The following TATDN2 variants were observed in gnomAD, a reference collection of about 807,000 sequenced individuals.
TATDN2 encodes the protein 3'-5' RNA nuclease TATDN2.
TATDN2 carries 44 observed loss-of-function variants against 60.3 expected under a neutral mutation model. The ratio of observed to expected loss-of-function variants is 0.73; its 90% CI spans 0.57 to 0.94. TATDN2 has a LOEUF of 0.94. Ranked by LOEUF, TATDN2 falls within the 40% of genes least tolerant of loss-of-function variation. The probability of loss-of-function intolerance (pLI) is 0.00; values close to 1 mark genes in which losing one functional copy is unlikely to be tolerated. For synonymous variants in TATDN2, 399 were observed against 355.8 expected (o/e 1.12, Z -1.37); for missense variants, 997 against 948.0 (o/e 1.05, Z -0.68).
intron 2 of TATDN2, among the ~76,000 whole-genome samples, chr3:10,256,498 C>T (rs1161841001): frequency 6.6e-6 from 1 of 151,860 alleles, no homozygotes; most frequent in Non-Finnish European, 1.5e-5. Flanking sequence ...TTATTGAACG[C>T]TAAACCCACA....
At chr3:10,250,998 C>T (rs761199176) in intron 2 of TATDN2, among the ~76,000 whole-genome samples, 1 of 152,144 alleles carries the variant, frequency 6.6e-6, no homozygotes, top group African/African-American at 2.4e-5. Context: ...CCCTGGCTGT[C>T]CTAAAGACCT....
intron 2 of TATDN2, among the ~76,000 whole-genome samples, chr3:10,252,467 A>G (rs1157659913): frequency 6.6e-6 from 1 of 152,106 alleles, no homozygotes; most frequent in Non-Finnish European, 1.5e-5. Context: ...CAGTTTAAAA[A>G]CCAAGTGTAC....
At chr3:10,266,072 G>A (rs778210766) in intron 3 of TATDN2, among the ~76,000 whole-genome samples, 1 of 152,134 alleles carries the variant, frequency 6.6e-6, no homozygotes, top group Non-Finnish European at 1.5e-5. Context: ...TGTTATCTGT[G>A]AATAGCATCC....
At chr3:10,267,616 G>C (rs563175362) in intron 3 of TATDN2, among the ~76,000 whole-genome samples, 1 of 152,124 alleles carries the variant, frequency 6.6e-6, no homozygotes, top group Non-Finnish European at 1.5e-5. Flanking sequence ...CATATGTCTC[G>C]TTTTTGCTGA....
At chr3:10,265,345 A>G (rs1156326001) in intron 3 of TATDN2, among the ~76,000 whole-genome samples, 17 of 149,764 alleles carry the variant, frequency 1.1e-4, no homozygotes, top group Admixed American at 6.6e-4. Context: ...CCAAAGTGCT[A>G]GGATTACAGG....
intron 2 of TATDN2, among the ~76,000 whole-genome samples, chr3:10,258,676 G>C (rs1698353122): frequency 6.6e-6 from 1 of 151,776 alleles, no homozygotes; most frequent in South Asian, 2.1e-4. Context: ...TGCCATGTTG[G>C]CCAGGCTGGT....
chr3:10,279,170 T>C (rs1279120259), intron 7 of TATDN2, 51 bp from the exon 8 acceptor site: 14 of 1,176,672 alleles, frequency 1.2e-5, no homozygotes, highest in Non-Finnish European at 1.6e-5. Context: ...GCCTGATTTG[T>C]TTTGAGTGAC....
At position 10,249,512 on chromosome 3, in the gene TATDN2, G is replaced by A. The variant is rs371573851; in HGVS notation, c.312G>A (p.Arg104=). Reference sequence around the variant, plus strand: ...CCGCCTCCAAAGGCTGCCTGATTCGGAACACTCGGGGGTTCCTGTCTTCAG... The same window carrying A: ...CCGCCTCCAAAGGCTGCCTGATTCGAAACACTCGGGGGTTCCTGTCTTCAG... ...GGAASKGCLI[R]NTRGFLSSGG... The change falls in exon 2 of 8, where the codon CGG becomes CGA. Residue 104 remains arginine, a synonymous_variant. Transcript: ENST00000448281. 2.4e-4 allele frequency: 382 copies of A among 1,609,358 alleles called. 1 individual carries two copies. Among genetic ancestry groups the A allele is most frequent in the South Asian group, 1.4e-3 (123 of 90,540 alleles).
Position 10,257,229 on chromosome 3 carries a change from C to T in TATDN2, c.415-2908C>T, listed in dbSNP as rs181543014. On this transcript the variant is annotated intron_variant, in intron 2 of 7. Coordinates refer to ENST00000448281, the MANE Select transcript of TATDN2 (RefSeq NM_014760.4). ...TGAACCTCAGAGGCGGAGGTTGCAG[C>T]GAGCTGAGGTTACACCCCGCACTCC... 1.2e-3 allele frequency among the ~76,000 whole-genome samples: 175 copies of T among 149,670 alleles called. 3 individuals are homozygous for T. Among genetic ancestry groups the T allele is most frequent in the African/African-American group, 4.0e-3 (161 of 40,552 alleles).
Position 10,270,790 on chromosome 3 carries a change from C to T in TATDN2, c.1608C>T (p.Asp536=), listed in dbSNP as rs1698551257. The change falls in exon 4 of 8, where the codon GAC becomes GAT. Residue 536 remains aspartate, a synonymous_variant. Transcript: ENST00000448281. ...AGGAATTTCAGGGCTGCATCTCTGA[C>T]TTCTGTGATCCCCGCACCCTGACAG... The part of the protein sequence containing the change: ...FPKEFQGCIS[D]FCDPRTLTDC... 6.2e-7 allele frequency: 1 copy of T among 1,614,222 alleles called. No homozygotes were observed. Among genetic ancestry groups the T allele is most frequent in the Non-Finnish European group, 8.5e-7 (1 of 1,180,032 alleles).
In TATDN2 at chr3:10,278,860, G is replaced by C; in HGVS notation, c.2146-25G>C. The C allele has an allele frequency of 6.2e-7, 1 of 1,613,984 alleles. No individual in the cohort carries two copies. Among genetic ancestry groups the C allele is most frequent in the Non-Finnish European group, 8.5e-7 (1 of 1,179,950 alleles). The stretch of plus-strand genomic sequence containing the variant: ...GACTGTGCACACATGGCACAATGAT[G>C]TTATGACCACTTGATGTCTTCCAGG... On this transcript the variant is annotated intron_variant, in intron 6 of 7. Coordinates refer to ENST00000448281, the MANE Select transcript of TATDN2 (RefSeq NM_014760.4). The surrounding 1 kb of genome is among the most constrained non-coding windows in gnomAD (Gnocchi z 4.7).
At chr3:10,276,551 G>T (rs980085218) in intron 5 of TATDN2, 63 bp downstream of exon 5, 2 of 1,596,778 alleles carry the variant, frequency 1.3e-6, no homozygotes, top group Non-Finnish European at 1.7e-6. Context: ...AGTTGATGAG[G>T]ACAGCAATGA....
At chr3:10,266,452 G>A (rs1698475595) in intron 3 of TATDN2, among the ~76,000 whole-genome samples, 1 of 152,184 alleles carries the variant, frequency 6.6e-6, no homozygotes, top group Non-Finnish European at 1.5e-5. Context: ...TGTGAGTGTT[G>A]GGATCAGACC....
At chr3:10,274,666 T>C (rs752807619) in intron 4 of TATDN2, among the ~76,000 whole-genome samples, 1 of 152,196 alleles carries the variant, frequency 6.6e-6, no homozygotes, top group Non-Finnish European at 1.5e-5. Flanking sequence ...CAGCCACCTA[T>C]TGATAGTGGA....
chr3:10,272,918 G>C (rs151759), intron 4 of TATDN2, among the ~76,000 whole-genome samples: 53,228 of 151,244 alleles, frequency 0.35, 9,560 homozygotes, highest in Middle Eastern at 0.39. Flanking sequence ...ACATGCCTGG[G>C]GTCCCAGCTA....
chr3:10,277,297 T>C (rs556219953), intron 5 of TATDN2, among the ~76,000 whole-genome samples: 95 of 152,360 alleles, frequency 6.2e-4, no homozygotes, highest in Non-Finnish European at 1.2e-3. Context: ...TTCTGAACTC[T>C]TGCCACGTGT....
At chr3:10,253,823 T>G (rs1331667228) in intron 2 of TATDN2, among the ~76,000 whole-genome samples, 2 of 152,164 alleles carry the variant, frequency 1.3e-5, no homozygotes, top group African/African-American at 4.8e-5. Context: ...GCAGATGAGA[T>G]TCAGAAAGGT....
chr3:10,252,947 C>T (rs992196829), intron 2 of TATDN2, among the ~76,000 whole-genome samples: 3 of 151,320 alleles, frequency 2.0e-5, no homozygotes, highest in Non-Finnish European at 2.9e-5. Context: ...AGCTCCGCCT[C>T]CCGGGTTCAC....
At chr3:10,254,358 C>T (rs905616611) in intron 2 of TATDN2, among the ~76,000 whole-genome samples, 3 of 152,186 alleles carry the variant, frequency 2.0e-5, no homozygotes, top group Non-Finnish European at 2.9e-5. Flanking sequence ...CAGGACATTT[C>T]GGGCATAGGG....
Sources: gnomAD v4.1 joint callset for allele counts (sites outside exome capture counted in the v4.1 genomes callset) on GRCh38, gnomAD v4.1.1 for gene constraint, Gnocchi (gnomAD v3.1) non-coding constraint, MANE v1.5 for transcripts, NCBI Gene and HGNC (gene_info 2026-07-23, HGNC 2026-07-21) for gene names.